The following AFAP1L2 variants were observed in gnomAD, a reference collection of about 807,000 sequenced individuals.
The protein encoded by AFAP1L2 is actin filament associated protein 1 like 2, also known as actin filament-associated protein 1-like 2.
Under a neutral mutation model 99.3 loss-of-function variants are expected in AFAP1L2, and 46 were observed. The ratio of observed to expected loss-of-function variants is 0.46; its 90% CI spans 0.37 to 0.59. AFAP1L2 has a LOEUF of 0.59. AFAP1L2 is among the 20% of genes least tolerant of loss of function. AFAP1L2 has a pLI of 0.00. For synonymous variants in AFAP1L2, 397 were observed against 419.1 expected, an observed-to-expected ratio of 0.95 and a Z score of 0.64; for missense variants, 959 against 1,034.9, an observed-to-expected ratio of 0.93 and a Z score of 1.01.
chr10:114,387,534 C>T (rs999760859), intron 1 of AFAP1L2, among the ~76,000 whole-genome samples: 2 of 152,178 alleles, frequency 1.3e-5, no homozygotes, highest in Admixed American at 6.5e-5. Flanking sequence ...GCTAGCACTA[C>T]GGGGCTCTGA....
chr10:114,306,057 G>T (rs1223203274), intron 10 of AFAP1L2, among the ~76,000 whole-genome samples: 1 of 111,904 alleles, frequency 8.9e-6, no homozygotes, highest in Non-Finnish European at 1.8e-5. Context: ...AGAAGGGGGC[G>T]CAGATGCANG....
At chr10:114,342,591 A>G (rs994956230) in intron 1 of AFAP1L2, among the ~76,000 whole-genome samples, 1 of 152,192 alleles carries the variant, frequency 6.6e-6, no homozygotes, top group Non-Finnish European at 1.5e-5. Context: ...GTAGGAGGGT[A>G]AGAGTCAGGG....
Position 114,295,995 on chromosome 10 carries a change from C to T in AFAP1L2, c.*47G>A. The T allele has an allele frequency of 6.2e-7, 1 of 1,613,950 alleles. No homozygotes were observed. Among genetic ancestry groups the T allele is most frequent in the Middle Eastern group, 1.6e-4 (1 of 6,062 alleles). On this transcript the variant is annotated 3_prime_UTR_variant, in exon 19 of 19. Coordinates refer to ENST00000304129, the MANE Select transcript of AFAP1L2 (RefSeq NM_001001936.3). ...TTTTGCTTTAACAAAGCAGGATTGTCACCAAGGTCCACATTGACATGAGAG... is the reference window on the plus strand; with the variant it reads ...TTTTGCTTTAACAAAGCAGGATTGTTACCAAGGTCCACATTGACATGAGAG...
downstream of AFAP1L2, chr10:114,291,246 G>C: frequency 6.5e-7 from 1 of 1,550,140 alleles, no homozygotes; most frequent in East Asian, 2.4e-5. Context: ...GAGGCACATG[G>C]CTCCCGTGCA....
chr10:114,399,047 G>T, intron 1 of AFAP1L2: 3 of 562,526 alleles, frequency 5.3e-6, no homozygotes, highest in South Asian at 1.7e-5. Flanking sequence ...GCTAGAGCAC[G>T]GGAGAATATG....
At chr10:114,285,876 G>C in the AFAP1L2 span, 1 of 1,479,120 alleles carries the variant, frequency 6.8e-7, no homozygotes, top group Non-Finnish European at 9.0e-7. Flanking sequence ...GGCATCTCGG[G>C]TGGGACAGCT....
At chr10:114,320,984 C>T (rs560770036) in intron 5 of AFAP1L2, among the ~76,000 whole-genome samples, 1 of 152,306 alleles carries the variant, frequency 6.6e-6, no homozygotes, top group African/African-American at 2.4e-5. Context: ...ACAAAGCCAG[C>T]GTCTTAGAAT....
At chr10:114,363,089 G>A in intron 1 of AFAP1L2, 4 of 985,420 alleles carry the variant, frequency 4.1e-6, no homozygotes, top group Non-Finnish European at 4.8e-6. Flanking sequence ...GTGACAGTGG[G>A]ATCCGAGCCT....
chr10:114,345,446 G>T (rs961381435), intron 1 of AFAP1L2, among the ~76,000 whole-genome samples: 1 of 152,168 alleles, frequency 6.6e-6, no homozygotes, highest in Admixed American at 6.5e-5. Context: ...AGGCAGGGAG[G>T]CCAGTTAGAT....
chr10:114,331,725 G>T, intron 4 of AFAP1L2, 78 bp downstream of exon 4: 1 of 1,037,830 alleles, frequency 9.6e-7, no homozygotes, highest in South Asian at 3.4e-5. Context: ...GACACTTAGT[G>T]AGCTGACACC....
At chr10:114,352,140 T>C (rs1349386134) in intron 1 of AFAP1L2, among the ~76,000 whole-genome samples, 1 of 152,018 alleles carries the variant, frequency 6.6e-6, no homozygotes, top group East Asian at 1.9e-4. Context: ...AGACTGTAAA[T>C]ACACACACAC....
intron 8 of AFAP1L2, among the ~76,000 whole-genome samples, chr10:114,308,869 T>C (rs1213156896): frequency 6.6e-6 from 1 of 152,208 alleles, no homozygotes; most frequent in Non-Finnish European, 1.5e-5. Flanking sequence ...GTTCTAGCAA[T>C]GTGAGCTGGT....
upstream of AFAP1L2, chr10:114,404,653 C>G: frequency 1.4e-6 from 1 of 705,578 alleles, no homozygotes; most frequent in Non-Finnish European, 2.0e-6. Context: ...GTCCCAGCGC[C>G]CCTGTCCCAG....
chr10:114,302,163 TCCTGGCTCTTGGCCGGGCCTC>T (rs2041309928), intron 12 of AFAP1L2, 155 bp downstream of exon 12: 1 of 960,186 alleles, frequency 1.0e-6, no homozygotes, highest in Admixed American at 2.3e-5. Flanking sequence ...TTAGCTCAGC[TCCTGGCTCTTGGCCGGGCCTC>T]CCTGAGGGCT....
downstream of AFAP1L2, among the ~76,000 whole-genome samples, chr10:114,291,015 T>G (rs560357070): frequency 6.6e-6 from 1 of 152,152 alleles, no homozygotes; most frequent in Non-Finnish European, 1.5e-5. Flanking sequence ...CTTGGTTTTT[T>G]GGCCACGGGC....
At position 114,304,888 on chromosome 10, in the gene AFAP1L2, C is replaced by G; in HGVS notation, c.1115G>C (p.Trp372Ser). 1 of 1,613,370 alleles carries G rather than the reference C, an allele frequency of 6.2e-7. No homozygotes were observed. The highest frequency in any genetic ancestry group is 1.1e-5 in the South Asian group (1 of 91,082). ...CAGGTGATTGTCCCTGACAGAGCAC[C>G]AGCGAGACTTCCACTGGCTGTTCAC... ...VLVNSQWKSR[W>S]CSVRDNHLHF... The change falls in exon 11 of 19, where the codon TGG becomes TCG. Residue 372 changes from tryptophan to serine, a missense_variant. Physicochemically the swap from Trp to Ser is radical, Grantham distance 177. Around this residue, in one of 2 missense-constraint regions of AFAP1L2, gnomAD observed 383 missense variants for 472.8 expected, o/e 0.81. Coordinates refer to ENST00000304129, the MANE Select transcript of AFAP1L2 (RefSeq NM_001001936.3).
chr10:114,280,878 A>G, the AFAP1L2 span: 2 of 152,114 alleles, frequency 1.3e-5, no homozygotes, highest in East Asian at 1.9e-4. Context: ...AGTTGGGACT[A>G]CAGACACGCA....
chr10:114,394,576 G>A (rs2057492982), intron 1 of AFAP1L2, among the ~76,000 whole-genome samples: 1 of 152,064 alleles, frequency 6.6e-6, no homozygotes, highest in South Asian at 2.1e-4. Flanking sequence ...GAAACAGAGT[G>A]AAAAAGTGGG....
intron 12 of AFAP1L2, chr10:114,301,782 A>C (rs1377230613): frequency 5.0e-6 from 2 of 398,362 alleles, no homozygotes; most frequent in East Asian, 4.6e-5. Flanking sequence ...CAACCACAAC[A>C]AAAAACCCCT....
Sources: allele counts gnomAD v4.1 joint callset (sites outside exome capture counted in the v4.1 genomes callset), GRCh38; gene constraint gnomAD v4.1.1; regional missense constraint gnomAD v4.1.1; transcripts MANE v1.5; gene names NCBI Gene and HGNC (gene_info 2026-07-23, HGNC 2026-07-21).